Variants in SLC24A2 observed in about 807,000 individuals in gnomAD.
SLC24A2 encodes the protein sodium/potassium/calcium exchanger 2.
SLC24A2 carries 36 observed loss-of-function variants against 62.0 expected under a neutral mutation model. The observed-to-expected ratio is 0.58, with a 90% CI of 0.44 to 0.77. SLC24A2 has a LOEUF of 0.77. Among genes scored for constraint, SLC24A2 ranks in the 30% least tolerant of loss-of-function variants. The pLI, the probability that SLC24A2 is intolerant of heterozygous loss-of-function variation, is 0.00. For missense variants in SLC24A2, 846 were observed against 817.9 expected, an observed-to-expected ratio of 1.03 and a Z score of -0.42; for synonymous variants, 358 against 294.0, an observed-to-expected ratio of 1.22 and a Z score of -2.23.
At chr9:20,227,741 G>C in the SLC24A2 span, among the ~76,000 whole-genome samples, 5 of 152,054 alleles carry the variant, frequency 3.3e-5, no homozygotes, top group African/African-American at 4.8e-5. Context: ...CTTAAAGACT[G>C]AATCTCTAAT....
chr9:19,812,616 A>G, the SLC24A2 span, among the ~76,000 whole-genome samples: 6 of 152,094 alleles, frequency 3.9e-5, no homozygotes, highest in Admixed American at 1.3e-4. Context: ...GATAACTCCA[A>G]TGTAAGAACC....
the SLC24A2 span, among the ~76,000 whole-genome samples, chr9:20,194,475 A>C: frequency 3.8e-3 from 576 of 152,166 alleles, 2 homozygotes; most frequent in African/African-American, 0.014. Flanking sequence ...TTCTAAATTA[A>C]TTTATAGGTT....
At chr9:20,195,823 C>A in the SLC24A2 span, among the ~76,000 whole-genome samples, 1 of 141,990 alleles carries the variant, frequency 7.0e-6, no homozygotes, top group East Asian at 2.1e-4. Context: ...AAACCTTACC[C>A]ATTATACAAG....
rs936805381 is a variant in SLC24A2, at chr9:19,622,125, C to A, written c.969+136G>T. 1.5e-5 allele frequency: 11 copies of A among 729,342 alleles called. No homozygotes were observed. In the African/African-American group the frequency reaches 1.7e-4, roughly 12 times the overall value. The allele number at this position is 729,342 out of a possible 1,614,324, so 45.2% of individuals were successfully genotyped here. On this transcript the variant is annotated intron_variant, in intron 3 of 10. Transcript: ENST00000341998. ...AATTGTAGCACGGAGTAGAAGTACA[C>A]ATCAGGGGTTAGATTATTTAAGTAT...
At chr9:19,868,322 A>G in the SLC24A2 span, among the ~76,000 whole-genome samples, 87 of 152,292 alleles carry the variant, frequency 5.7e-4, no homozygotes, top group Non-Finnish European at 1.2e-4. Flanking sequence ...AATTTCAACC[A>G]AGATTTGTGA....
At chr9:19,990,388 G>A in the SLC24A2 span, among the ~76,000 whole-genome samples, 1 of 152,006 alleles carries the variant, frequency 6.6e-6, no homozygotes, top group Non-Finnish European at 1.5e-5. Flanking sequence ...AAGGTGGGTG[G>A]ATCACGAGGT....
chr9:20,007,256 GTA>G, the SLC24A2 span, among the ~76,000 whole-genome samples: 1 of 152,172 alleles, frequency 6.6e-6, no homozygotes, highest in Non-Finnish European at 1.5e-5. Context: ...GAAAAGAGAT[GTA>G]ATAGGTTTCA....
intron 2 of SLC24A2, among the ~76,000 whole-genome samples, chr9:19,695,116 T>G (rs1461952926): frequency 6.6e-6 from 1 of 152,000 alleles, no homozygotes; most frequent in Non-Finnish European, 1.5e-5. Flanking sequence ...ACATTTTTGA[T>G]TTCCATAACT....
At chr9:19,883,357 C>T in the SLC24A2 span, among the ~76,000 whole-genome samples, 1,965 of 152,110 alleles carry the variant, frequency 0.013, 23 homozygotes, top group South Asian at 0.059. Context: ...AAATTGTGTA[C>T]AAATCAGAGT....
At chr9:20,104,526 G>T in the SLC24A2 span, among the ~76,000 whole-genome samples, 18 of 152,258 alleles carry the variant, frequency 1.2e-4, no homozygotes, top group Non-Finnish European at 5.9e-5. Flanking sequence ...CAAGCCAGAA[G>T]AGAGTGGGGG....
the SLC24A2 span, among the ~76,000 whole-genome samples, chr9:20,101,786 G>A: frequency 3.3e-5 from 5 of 152,042 alleles, no homozygotes; most frequent in African/African-American, 1.2e-4. Context: ...ACCAAGAACT[G>A]CCACTGAGGA....
the SLC24A2 span, among the ~76,000 whole-genome samples, chr9:20,110,686 T>C: frequency 6.6e-6 from 1 of 152,148 alleles, no homozygotes; most frequent in Non-Finnish European, 1.5e-5. Context: ...CTTATTGATA[T>C]TAGAATTAAA....
the SLC24A2 span, among the ~76,000 whole-genome samples, chr9:20,087,173 A>C: frequency 1.3e-5 from 2 of 152,200 alleles, no homozygotes; most frequent in Non-Finnish European, 2.9e-5. Context: ...ACATTAGTTC[A>C]TTCTGGTCCC....
In SLC24A2 at chr9:19,547,279, G is replaced by T. The variant is rs553851224; in HGVS notation, c.1479+2858C>A. Among the ~76,000 whole-genome samples, 6 of 152,260 alleles carry T rather than the reference G, an allele frequency of 3.9e-5. No homozygotes were observed. In the South Asian group the frequency reaches 1.2e-3, roughly 32 times the overall value. ...GTCCATTCCAGGGCTAGCACTTGGG[G>T]GAGCAATGAAGTAAAGCCCCGCTGG... On this transcript the variant is annotated intron_variant, in intron 8 of 10. Transcript: ENST00000341998.
intron 2 of SLC24A2, among the ~76,000 whole-genome samples, chr9:19,706,823 C>T (rs1199201899): frequency 2.6e-5 from 4 of 152,094 alleles, no homozygotes; most frequent in Non-Finnish European, 4.4e-5. Context: ...AAAATTGACA[C>T]CCTAACATCA....
intron 2 of SLC24A2, among the ~76,000 whole-genome samples, chr9:19,739,407 C>G (rs1821607064): frequency 6.6e-6 from 1 of 152,016 alleles, no homozygotes; most frequent in South Asian, 2.1e-4. Flanking sequence ...TGAAGAAGAA[C>G]AGAACTCAGT....
chr9:20,270,181 G>C, the SLC24A2 span, among the ~76,000 whole-genome samples: 32 of 152,144 alleles, frequency 2.1e-4, no homozygotes, highest in East Asian at 5.8e-3. Context: ...TATTCATAAG[G>C]GATCCAACCC....
chr9:20,026,719 C>G, the SLC24A2 span, among the ~76,000 whole-genome samples: 1 of 152,004 alleles, frequency 6.6e-6, no homozygotes, highest in East Asian at 1.9e-4. Context: ...AACTATGAAA[C>G]TATTAGAAGA....
At chr9:19,978,410 C>G in the SLC24A2 span, among the ~76,000 whole-genome samples, 1 of 151,818 alleles carries the variant, frequency 6.6e-6, no homozygotes, top group African/African-American at 2.4e-5. Flanking sequence ...TCCCTCGCCC[C>G]TCTTTTTTTT....
Sources: allele counts gnomAD v4.1 joint callset (sites outside exome capture counted in the v4.1 genomes callset), GRCh38; gene constraint gnomAD v4.1.1; transcripts MANE v1.5; gene names NCBI Gene and HGNC (gene_info 2026-07-23, HGNC 2026-07-21).